The following SLC25A13 variants were observed in gnomAD, a reference collection of about 807,000 sequenced individuals.
The protein encoded by SLC25A13 is electrogenic aspartate/glutamate antiporter SLC25A13, mitochondrial.
In SLC25A13, 70 loss-of-function variants were observed where a neutral mutation model predicts 85.5. That is an observed-to-expected ratio of 0.82 (90% CI 0.68 to 1.00). The LOEUF is 1.00. SLC25A13 is among the 50% of genes least tolerant of loss of function. The pLI is 0.00. For missense variants in SLC25A13, 765 were observed against 819.8 expected (o/e 0.93, Z 0.82); for synonymous variants, 259 against 288.7 (o/e 0.90, Z 1.04).
chr7:96,171,987 C>T (rs1794021495), intron 11 of SLC25A13, among the ~76,000 whole-genome samples: 1 of 152,060 alleles, frequency 6.6e-6, no homozygotes, highest in South Asian at 2.1e-4. Context: ...TTCTTGGAAA[C>T]ACACACCAAG....
At chr7:96,187,733 C>G (rs571563296) in intron 9 of SLC25A13, among the ~76,000 whole-genome samples, 2 of 152,152 alleles carry the variant, frequency 1.3e-5, no homozygotes, top group Admixed American at 1.3e-4. Context: ...TGAAATGAGA[C>G]AAAACTCTGC....
chr7:96,168,280 A>T (rs1415888389), intron 13 of SLC25A13, among the ~76,000 whole-genome samples: 1 of 151,936 alleles, frequency 6.6e-6, no homozygotes, highest in South Asian at 2.1e-4. Context: ...TTGGGGGGGA[A>T]AAAGGCAAGG....
chr7:96,168,098 GAAAAAAAAA>G (rs543491037), intron 13 of SLC25A13, among the ~76,000 whole-genome samples: 55 of 19,710 alleles, frequency 2.8e-3, no homozygotes, highest in African/African-American at 3.7e-3. Flanking sequence ...AACTCTGTCT[GAAAAAAAAA>G]AAAAAAAAAA....
intron 5 of SLC25A13, among the ~76,000 whole-genome samples, chr7:96,198,819 T>C (rs540151911): frequency 6.6e-6 from 1 of 152,328 alleles, no homozygotes; most frequent in Admixed American, 6.5e-5. Context: ...AAATCCACAT[T>C]TTGAATGATG....
intron 4 of SLC25A13, among the ~76,000 whole-genome samples, chr7:96,232,310 A>G (rs141768722): frequency 1.3e-4 from 20 of 152,246 alleles, no homozygotes; most frequent in African/African-American, 4.3e-4. Flanking sequence ...GCTGGAGGCC[A>G]TTATCCTTAG....
At chr7:96,245,481 T>C (rs1407120572) in intron 3 of SLC25A13, among the ~76,000 whole-genome samples, 1 of 152,138 alleles carries the variant, frequency 6.6e-6, no homozygotes, top group African/African-American at 2.4e-5. Flanking sequence ...ATATTCACCA[T>C]CTCCACAATT....
At chr7:96,321,233 C>G (rs920309807) in intron 1 of SLC25A13, among the ~76,000 whole-genome samples, 1 of 152,162 alleles carries the variant, frequency 6.6e-6, no homozygotes, top group Non-Finnish European at 1.5e-5. Context: ...CTTTCAAGTA[C>G]AACTTCACAG....
Position 96,131,842 on chromosome 7 carries a change from C to A in SLC25A13, c.1492G>T (p.Ala498Ser). The change falls in exon 15 of 18, where the codon GCC becomes TCC. Residue 498 changes from alanine (A) to serine (S), a missense_variant. Transcript: ENST00000265631. ...ACFLRDIPFS[A>S]IYFPCYAHVK... Reference sequence around the variant, plus strand: ...TGAGCATAGCACGGAAAGTAGATGGCCGAGAAAGGAATGTCCCGCAGAAAG... The same window carrying A: ...TGAGCATAGCACGGAAAGTAGATGGACGAGAAAGGAATGTCCCGCAGAAAG... The A allele has an allele frequency of 1.2e-6, 2 of 1,613,932 alleles. No individual in the cohort carries two copies. Among genetic ancestry groups the A allele is most frequent in the Non-Finnish European group, 1.7e-6 (2 of 1,179,960 alleles).
intron 3 of SLC25A13, among the ~76,000 whole-genome samples, chr7:96,241,983 G>T (rs887414102): frequency 6.6e-6 from 1 of 152,162 alleles, no homozygotes; most frequent in African/African-American, 2.4e-5. Context: ...CTGTGGCTAC[G>T]AAAGTTTAAG....
rs574421437 is a variant in SLC25A13, at chr7:96,213,525, G to A, written c.329-4548C>T. Among the ~76,000 whole-genome samples the A allele has an allele frequency of 3.9e-5, 6 of 152,308 alleles. No individual in the cohort carries two copies. In the South Asian group the frequency reaches 1.0e-3, roughly 26 times the overall value. On this transcript the variant is annotated intron_variant, in intron 4 of 17. Coordinates refer to ENST00000265631, the MANE Select transcript of SLC25A13 (RefSeq NM_014251.3). Reference sequence around the variant, plus strand: ...AGCCTTACTATGAAAGACTCCAGGAGTCAAACTTAGAGTTGCCCTCTCACC... The same window carrying A: ...AGCCTTACTATGAAAGACTCCAGGAATCAAACTTAGAGTTGCCCTCTCACC...
chr7:96,176,966 T>A (rs1794246321), intron 11 of SLC25A13, among the ~76,000 whole-genome samples: 1 of 152,180 alleles, frequency 6.6e-6, no homozygotes, highest in African/African-American at 2.4e-5. Flanking sequence ...AATTCTAGGT[T>A]CCCTCTTGGC....
Position 96,219,893 on chromosome 7 carries a change from C to T in SLC25A13, c.329-10916G>A, listed in dbSNP as rs948396654. ...GCAGATATTTAGCGTAAGATATTAA[C>T]CATCTGTCACACACACTAACTAAAT... On this transcript the variant is annotated intron_variant, in intron 4 of 17. Transcript: ENST00000265631. The T allele has an allele frequency of 2.7e-5, 10 of 376,320 alleles. No homozygotes were observed. The East Asian group carries it at 6.4e-4, about 24-fold the overall frequency. 23.3% of individuals were successfully genotyped at this position (376,320 alleles called of 1,614,324 possible).
intron 3 of SLC25A13, among the ~76,000 whole-genome samples, chr7:96,276,856 G>T (rs1377923131): frequency 6.6e-6 from 1 of 152,078 alleles, no homozygotes; most frequent in African/African-American, 2.4e-5. Flanking sequence ...GAGCTATGTT[G>T]TACATTTACT....
intron 1 of SLC25A13, among the ~76,000 whole-genome samples, chr7:96,304,874 G>A (rs1013713539): frequency 2.0e-5 from 3 of 152,208 alleles, no homozygotes; most frequent in African/African-American, 7.2e-5. Context: ...CAAGTGGTTG[G>A]TACAAAATGT....
In SLC25A13 at chr7:96,169,961, C is replaced by G. The variant is rs1347605339; in HGVS notation, c.1311+84G>C. Reference sequence around the variant, plus strand: ...TGCAGGATCTGTGGTTAAACAGAAGCCTTAGTCCACACCTGTTGACCATGG... The same window carrying G: ...TGCAGGATCTGTGGTTAAACAGAAGGCTTAGTCCACACCTGTTGACCATGG... On this transcript the variant is annotated intron_variant, in intron 13 of 17. Coordinates refer to ENST00000265631, the MANE Select transcript of SLC25A13 (RefSeq NM_014251.3). 2.9e-6 allele frequency: 4 copies of G among 1,360,730 alleles called. No homozygotes were observed. In the East Asian group the frequency reaches 6.9e-5, roughly 23 times the overall value. The allele number at this position is 1,360,730 out of a possible 1,614,324, so 84.3% of individuals were successfully genotyped here.
intron 15 of SLC25A13, among the ~76,000 whole-genome samples, chr7:96,131,369 A>AT (rs1266997654): frequency 2.6e-5 from 4 of 151,866 alleles, no homozygotes; most frequent in Admixed American, 6.6e-5. Flanking sequence ...TTTATGCACT[A>AT]TTTTTTTTAG....
In SLC25A13 at chr7:96,120,966, C is replaced by A. The variant is rs1232002380; in HGVS notation, c.*225G>T. The A allele has an allele frequency of 4.5e-6, 3 of 659,498 alleles. No individual in the cohort carries two copies. In the Admixed American group the frequency reaches 6.2e-5, roughly 14 times the overall value. 40.9% of individuals were successfully genotyped at this position (659,498 alleles called of 1,614,324 possible). A position where few individuals can be genotyped will look rare whatever the true frequency, so the allele number is the denominator to read the frequency against. ...AATCCCATCAATTTTCAGATGCAAA[C>A]AAAGGTTTCTGGGCAGAGGGCCAAA... On this transcript the variant is annotated 3_prime_UTR_variant, in exon 18 of 18. Coordinates refer to ENST00000265631, the MANE Select transcript of SLC25A13 (RefSeq NM_014251.3).
chr7:96,126,841 C>A (rs1791749191), intron 15 of SLC25A13, among the ~76,000 whole-genome samples: 1 of 152,118 alleles, frequency 6.6e-6, no homozygotes. Context: ...TGTCTTGATT[C>A]AATTTCTTCA....
At position 96,321,989 on chromosome 7, in the gene SLC25A13, CACTG is replaced by C; in HGVS notation, c.-37_-34del. On this transcript the variant is annotated 5_prime_UTR_variant, in exon 1 of 18. Coordinates refer to ENST00000265631, the MANE Select transcript of SLC25A13 (RefSeq NM_014251.3). ...CCCGGTTGCGGGCGACTGCGGGACCCACTGACTGGCTGGCTGGCGTTTGGGACCC... is the reference window on the plus strand; with the variant it reads ...CCCGGTTGCGGGCGACTGCGGGACCCACTGGCTGGCTGGCGTTTGGGACCC... 6.5e-7 allele frequency: 1 copy of C among 1,536,498 alleles called. No individual in the cohort carries two copies. The highest frequency in any genetic ancestry group is 8.8e-7 in the Non-Finnish European group (1 of 1,142,208).
Sources: allele counts gnomAD v4.1 joint callset (sites outside exome capture counted in the v4.1 genomes callset), GRCh38; gene constraint gnomAD v4.1.1; transcripts MANE v1.5; gene names NCBI Gene and HGNC (gene_info 2026-07-23, HGNC 2026-07-21).